Variants in BMERB1 observed in about 807,000 individuals in gnomAD.
BMERB1 encodes the protein bMERB domain-containing protein 1.
A neutral mutation model predicts 23.6 loss-of-function variants in BMERB1; 12 were observed. That is an observed-to-expected ratio of 0.51 (90% CI 0.33 to 0.82). The LOEUF (loss-of-function observed/expected upper bound fraction) is 0.82, where lower values mean the gene tolerates loss of function less well. BMERB1 is among the 40% of genes least tolerant of loss of function. The pLI is 0.03. For synonymous variants in BMERB1, 122 were observed against 96.6 expected, an observed-to-expected ratio of 1.26 and a Z score of -1.54; for missense variants, 247 against 255.4, an observed-to-expected ratio of 0.97 and a Z score of 0.22.
chr16:15,516,196 G>A (rs1385801393), intron 2 of BMERB1, among the ~76,000 whole-genome samples: 1 of 152,108 alleles, frequency 6.6e-6, no homozygotes, highest in Non-Finnish European at 1.5e-5. Flanking sequence ...GGCTGAGGCG[G>A]GATGATCGCT....
intron 1 of BMERB1, among the ~76,000 whole-genome samples, chr16:15,457,028 G>A (rs140562661): frequency 6.0e-4 from 92 of 152,138 alleles, no homozygotes; most frequent in African/African-American, 2.1e-3. Flanking sequence ...GTTTCACCAT[G>A]TTGGCCAGGC....
chr16:15,568,610 C>T (rs2030642924), intron 3 of BMERB1, among the ~76,000 whole-genome samples: 1 of 151,944 alleles, frequency 6.6e-6, no homozygotes, highest in African/African-American at 2.4e-5. Flanking sequence ...TGCACTCCAG[C>T]CTGGGCAACA....
intron 1 of BMERB1, among the ~76,000 whole-genome samples, chr16:15,499,890 G>A (rs1279881173): frequency 6.6e-6 from 1 of 152,160 alleles, no homozygotes; most frequent in Non-Finnish European, 1.5e-5. Context: ...GGGGTAGGGA[G>A]TAAGGAAACA....
chr16:15,473,042 T>C (rs1469212305), intron 1 of BMERB1, among the ~76,000 whole-genome samples: 1 of 152,026 alleles, frequency 6.6e-6, no homozygotes, highest in East Asian at 1.9e-4. Context: ...GTATTTTCAG[T>C]AGAGATGAGG....
At chr16:15,470,566 G>C (rs576470008) in intron 1 of BMERB1, among the ~76,000 whole-genome samples, 2 of 149,646 alleles carry the variant, frequency 1.3e-5, no homozygotes, top group African/African-American at 4.9e-5. Flanking sequence ...TTTCTCTGTC[G>C]CAAGGCTGGA....
chr16:15,532,232 T>G (rs1014509041), intron 2 of BMERB1, among the ~76,000 whole-genome samples: 2 of 148,522 alleles, frequency 1.3e-5, no homozygotes, highest in Non-Finnish European at 1.5e-5. Context: ...TGTTTTTTTG[T>G]TTTTTTTGTT....
At chr16:15,502,695 G>A (rs930823462) in intron 1 of BMERB1, among the ~76,000 whole-genome samples, 2 of 152,156 alleles carry the variant, frequency 1.3e-5, no homozygotes, top group African/African-American at 4.8e-5. Context: ...ATGGGGCGCA[G>A]ATCTATTCCC....
At chr16:15,550,745 G>A (rs977906921) in intron 2 of BMERB1, among the ~76,000 whole-genome samples, 1 of 152,214 alleles carries the variant, frequency 6.6e-6, no homozygotes. Flanking sequence ...TAGGCAGTCT[G>A]TTGTAGTGGC....
At chr16:15,516,204 G>A (rs780295250) in intron 2 of BMERB1, among the ~76,000 whole-genome samples, 34 of 152,012 alleles carry the variant, frequency 2.2e-4, no homozygotes, top group Non-Finnish European at 4.6e-4. Context: ...CGGGATGATC[G>A]CTTGAGCCCA....
chr16:15,543,387 G>A (rs2052104411), intron 2 of BMERB1, among the ~76,000 whole-genome samples: 1 of 152,148 alleles, frequency 6.6e-6, no homozygotes. Context: ...AGGAATGCCT[G>A]TTCTCATTTA....
chr16:15,569,893 A>G (rs1021394648), intron 3 of BMERB1, among the ~76,000 whole-genome samples: 9 of 152,092 alleles, frequency 5.9e-5, no homozygotes, highest in African/African-American at 2.2e-4. Flanking sequence ...TCCTTCTAAC[A>G]TGGGGGCCTT....
chr16:15,477,467 C>CA (rs1401283876), intron 1 of BMERB1, among the ~76,000 whole-genome samples: 2 of 152,032 alleles, frequency 1.3e-5, no homozygotes, highest in East Asian at 1.9e-4. Context: ...TCCTGCTCTA[C>CA]AAAAAATACA....
At chr16:15,558,420 G>A (rs2030326870) in intron 2 of BMERB1, among the ~76,000 whole-genome samples, 1 of 152,050 alleles carries the variant, frequency 6.6e-6, no homozygotes, top group South Asian at 2.1e-4. Context: ...ACATAGCCAA[G>A]CTTCCTGGAT....
At chr16:15,475,605 T>C (rs2051268736) in intron 1 of BMERB1, among the ~76,000 whole-genome samples, 1 of 152,016 alleles carries the variant, frequency 6.6e-6, no homozygotes, top group Non-Finnish European at 1.5e-5. Context: ...ATGAATGGAG[T>C]ATGTCAACCA....
chr16:15,551,099 C>T (rs1268185437), intron 2 of BMERB1, among the ~76,000 whole-genome samples: 1 of 152,196 alleles, frequency 6.6e-6, no homozygotes, highest in Non-Finnish European at 1.5e-5. Context: ...GAATGCAAAG[C>T]AGTATCACTC....
In BMERB1 at chr16:15,582,761, G is replaced by A. The variant is rs138815372; in HGVS notation, c.420-395G>A. ...GTCTGCACCCACCTACTTTATCTTGGTGATCCTTGGAAGAGCTGGGGTGAC... is the reference window on the plus strand; with the variant it reads ...GTCTGCACCCACCTACTTTATCTTGATGATCCTTGGAAGAGCTGGGGTGAC... On this transcript the variant is annotated intron_variant, in intron 4 of 5. Transcript: ENST00000300006. Among the ~76,000 whole-genome samples the A allele has an allele frequency of 2.5e-3, 377 of 152,262 alleles. 4 individuals are homozygous for A. The highest frequency in any genetic ancestry group is 8.4e-3 in the African/African-American group (348 of 41,560).
intron 1 of BMERB1, among the ~76,000 whole-genome samples, chr16:15,443,819 T>C (rs577090116): frequency 2.4e-4 from 37 of 152,026 alleles, no homozygotes; most frequent in African/African-American, 8.4e-4. Context: ...CTCGGGAGCC[T>C]GAGACACGAG....
intron 1 of BMERB1, among the ~76,000 whole-genome samples, chr16:15,483,944 G>A (rs2051346343): frequency 6.6e-6 from 1 of 152,188 alleles, no homozygotes; most frequent in South Asian, 2.1e-4. Flanking sequence ...TAGTTCTGCA[G>A]GTTATACAAG....
intron 1 of BMERB1, among the ~76,000 whole-genome samples, chr16:15,462,137 C>CGTTT (rs2051140678): frequency 1.8e-5 from 1 of 56,932 alleles, no homozygotes; most frequent in African/African-American, 7.9e-5. Flanking sequence ...GATGTCCTGC[C>CGTTT]TTTTTTTTTT....
Sources: gnomAD v4.1 joint callset for allele counts (sites outside exome capture counted in the v4.1 genomes callset) on GRCh38, gnomAD v4.1.1 for gene constraint, MANE v1.5 for transcripts, NCBI Gene and HGNC (gene_info 2026-07-23, HGNC 2026-07-21) for gene names.